SSBP2: variants seen among roughly 807,000 people sequenced by gnomAD.
SSBP2 encodes single stranded DNA binding protein 2.
A neutral mutation model predicts 61.8 loss-of-function variants in SSBP2; 17 were observed. That is an observed-to-expected ratio of 0.28 (90% CI 0.19 to 0.41). SSBP2 has a LOEUF of 0.41. Among genes scored for constraint, SSBP2 ranks in the 10% least tolerant of loss-of-function variants. SSBP2 has a pLI of 1.00. For synonymous variants in SSBP2, 139 were observed against 141.3 expected (o/e 0.98, Z 0.12); for missense variants, 310 against 458.7 (o/e 0.68, Z 2.96).
At chr5:81,737,949 A>T (rs1409006714) in intron 1 of SSBP2, among the ~76,000 whole-genome samples, 1 of 151,994 alleles carries the variant, frequency 6.6e-6, no homozygotes, top group Non-Finnish European at 1.5e-5. Context: ...CGTTCTTTTC[A>T]ATCTCAATTT....
intron 1 of SSBP2, among the ~76,000 whole-genome samples, chr5:81,721,005 A>G (rs1415869113): frequency 6.6e-6 from 1 of 152,172 alleles, no homozygotes; most frequent in Non-Finnish European, 1.5e-5. Context: ...ATCAACATGA[A>G]ACAAAATATT....
intron 5 of SSBP2, 22 bp from the exon 6 acceptor site, chr5:81,489,331 A>T (rs936745238): frequency 4.4e-5 from 70 of 1,583,992 alleles, no homozygotes; most frequent in Non-Finnish European, 5.9e-5. Context: ...AAACAAATAA[A>T]CAAACAAAAC....
intron 6 of SSBP2, among the ~76,000 whole-genome samples, chr5:81,479,592 C>T (rs938909129): frequency 9.0e-6 from 1 of 110,984 alleles, no homozygotes; most frequent in Non-Finnish European, 2.0e-5. Flanking sequence ...TGTGCCCGGC[C>T]GCTTTGTTTT....
intron 1 of SSBP2, among the ~76,000 whole-genome samples, chr5:81,729,024 G>C (rs1756080991): frequency 1.3e-5 from 2 of 152,258 alleles, no homozygotes; most frequent in East Asian, 3.9e-4. Flanking sequence ...ATAGGTAAGA[G>C]AGGTGATATG....
At chr5:81,565,519 A>G (rs945817050) in intron 4 of SSBP2, among the ~76,000 whole-genome samples, 1 of 152,170 alleles carries the variant, frequency 6.6e-6, no homozygotes, top group African/African-American at 2.4e-5. Context: ...CTAGTATTTT[A>G]GAAGTGTTTC....
chr5:81,522,512 A>G (rs1355055146), intron 4 of SSBP2, among the ~76,000 whole-genome samples: 1 of 152,100 alleles, frequency 6.6e-6, no homozygotes, highest in Admixed American at 6.6e-5. Context: ...ATATGACCAC[A>G]TATTAAGTTT....
chr5:81,509,177 C>T (rs920971523), intron 5 of SSBP2, among the ~76,000 whole-genome samples: 1 of 152,168 alleles, frequency 6.6e-6, no homozygotes, highest in African/African-American at 2.4e-5. Flanking sequence ...TTTATCCTAG[C>T]CAGCCTTCTG....
At chr5:81,658,134 C>A (rs577342419) in intron 1 of SSBP2, among the ~76,000 whole-genome samples, 3 of 152,148 alleles carry the variant, frequency 2.0e-5, no homozygotes, top group Non-Finnish European at 4.4e-5. Flanking sequence ...ATAGTCACCA[C>A]ATTACCACAT....
intron 1 of SSBP2, among the ~76,000 whole-genome samples, chr5:81,706,460 A>C (rs769496675): frequency 6.6e-6 from 1 of 152,158 alleles, no homozygotes; most frequent in Non-Finnish European, 1.5e-5. Flanking sequence ...AAATCTGTAC[A>C]TGTACCCTCA....
chr5:81,505,346 GT>G (rs1768099358), intron 5 of SSBP2, among the ~76,000 whole-genome samples: 2 of 152,190 alleles, frequency 1.3e-5, no homozygotes, highest in South Asian at 4.1e-4. Flanking sequence ...AAGACAAATT[GT>G]TCCTGAACGC....
In SSBP2 at chr5:81,615,494, T is replaced by A; in HGVS notation, c.261A>T (p.Glu87Asp). Residue 87 changes from glutamate to aspartate, a missense_variant, in exon 4 of 17, where the codon GAA becomes GAT. Around this residue, in one of 4 missense-constraint regions of SSBP2, gnomAD observed 209 missense variants for 286.4 expected, o/e 0.73. Transcript: ENST00000320672. ...TTACGTAATCATGGAAGGCTTTTGC[T>A]TCACTTGAGTGTTCACATGTTTCAC... 1 of 1,613,696 alleles carries A rather than the reference T, an allele frequency of 6.2e-7. No individual in the cohort carries two copies. The highest frequency in any genetic ancestry group is 8.5e-7 in the Non-Finnish European group (1 of 1,179,744).
chr5:81,604,498 T>A (rs1314387182), intron 4 of SSBP2, among the ~76,000 whole-genome samples: 1 of 152,078 alleles, frequency 6.6e-6, no homozygotes, highest in Non-Finnish European at 1.5e-5. Context: ...GGGAGTGAGG[T>A]ACTTTCTAGA....
At chr5:81,526,964 C>CA (rs1769990272) in intron 4 of SSBP2, among the ~76,000 whole-genome samples, 1 of 151,022 alleles carries the variant, frequency 6.6e-6, no homozygotes, top group Non-Finnish European at 1.5e-5. Context: ...AACCAACCAA[C>CA]AAAAAACAAA....
At chr5:81,705,006 T>C (rs1177726751) in intron 1 of SSBP2, among the ~76,000 whole-genome samples, 4 of 152,068 alleles carry the variant, frequency 2.6e-5, no homozygotes, top group Non-Finnish European at 5.9e-5. Flanking sequence ...AAGGTTTTTA[T>C]AGCACATACT....
intron 1 of SSBP2, among the ~76,000 whole-genome samples, chr5:81,666,721 G>A (rs960747396): frequency 6.6e-6 from 1 of 152,132 alleles, no homozygotes; most frequent in Non-Finnish European, 1.5e-5. Context: ...TTGTTAATAT[G>A]ATTTGCTCTA....
At chr5:81,542,132 G>T (rs1348469463) in intron 4 of SSBP2, among the ~76,000 whole-genome samples, 1 of 152,100 alleles carries the variant, frequency 6.6e-6, no homozygotes, top group East Asian at 1.9e-4. Flanking sequence ...CTCAAAAGAA[G>T]ACATACAAGC....
chr5:81,444,497 C>T (rs1440440475), intron 12 of SSBP2, among the ~76,000 whole-genome samples: 1 of 152,140 alleles, frequency 6.6e-6, no homozygotes, highest in Non-Finnish European at 1.5e-5. Flanking sequence ...ATTCGTTCCT[C>T]CTGCTTCCAA....
At chr5:81,443,577 T>G (rs1763174314) in intron 12 of SSBP2, among the ~76,000 whole-genome samples, 1 of 152,246 alleles carries the variant, frequency 6.6e-6, no homozygotes, top group Admixed American at 6.5e-5. Context: ...TTATTTTGTT[T>G]TTTTAGACAG....
At chr5:81,703,247 A>G (rs1163809783) in intron 1 of SSBP2, among the ~76,000 whole-genome samples, 1 of 152,236 alleles carries the variant, frequency 6.6e-6, no homozygotes, top group African/African-American at 2.4e-5. Flanking sequence ...CTTTGAGAAT[A>G]CACAAGTTAT....
Sources: gnomAD v4.1 joint callset for allele counts (sites outside exome capture counted in the v4.1 genomes callset) on GRCh38, gnomAD v4.1.1 for gene constraint, gnomAD v4.1.1 regional missense constraint, MANE v1.5 for transcripts, NCBI Gene and HGNC (gene_info 2026-07-23, HGNC 2026-07-21) for gene names.